Variants in ANTXR1 observed in about 807,000 individuals in gnomAD.
ANTXR1 encodes the protein ANTXR cell adhesion molecule 1.
ANTXR1 carries 19 observed loss-of-function variants against 78.1 expected under a neutral mutation model. That is an observed-to-expected ratio of 0.24 (90% confidence interval 0.17 to 0.36). The LOEUF (loss-of-function observed/expected upper bound fraction) is 0.36, where lower values mean the gene tolerates loss of function less well. Among genes scored for constraint, ANTXR1 ranks in the 10% least tolerant of loss-of-function variants. ANTXR1 has a pLI of 1.00. For synonymous variants in ANTXR1, 273 were observed against 260.5 expected, an observed-to-expected ratio of 1.05 and a Z score of -0.46; for missense variants, 518 against 718.6, an observed-to-expected ratio of 0.72 and a Z score of 3.19.
chr2:69,145,886 T>G (rs1673212595), intron 12 of ANTXR1: 1 of 985,744 alleles, frequency 1.0e-6, no homozygotes, highest in Admixed American at 6.1e-5. Context: ...AAATCCAAAA[T>G]TGCCTATATT....
intron 14 of ANTXR1, among the ~76,000 whole-genome samples, chr2:69,172,952 C>T (rs925848296): frequency 6.6e-6 from 1 of 152,240 alleles, no homozygotes; most frequent in Non-Finnish European, 1.5e-5. Context: ...CTCCAAATAA[C>T]TGGCAGTTCG....
chr2:69,163,313 TA>T (rs74748062), intron 13 of ANTXR1, among the ~76,000 whole-genome samples: 10 of 149,300 alleles, frequency 6.7e-5, no homozygotes, highest in Admixed American at 6.6e-5. Flanking sequence ...TCTTTTCATG[TA>T]AAAAAAAAAG....
intron 14 of ANTXR1, 112 bp downstream of exon 14, chr2:69,170,401 C>A: frequency 1.0e-5 from 13 of 1,290,870 alleles, no homozygotes; most frequent in Non-Finnish European, 1.2e-5. Flanking sequence ...AAGTCAAGCT[C>A]AAAGGATTTA....
At chr2:69,236,162 C>G (rs558278427) in intron 17 of ANTXR1, among the ~76,000 whole-genome samples, 1 of 152,152 alleles carries the variant, frequency 6.6e-6, no homozygotes, top group Admixed American at 6.5e-5. Context: ...ACCCTATCAA[C>G]CAGTTTCATC....
At chr2:69,080,434 T>G (rs1431887843) in intron 8 of ANTXR1, among the ~76,000 whole-genome samples, 1 of 152,228 alleles carries the variant, frequency 6.6e-6, no homozygotes, top group African/African-American at 2.4e-5. Context: ...AAAATAAGAT[T>G]GCAGAGCAGC....
intron 16 of ANTXR1, among the ~76,000 whole-genome samples, chr2:69,185,288 C>T (rs914331019): frequency 6.6e-6 from 1 of 152,162 alleles, no homozygotes; most frequent in Non-Finnish European, 1.5e-5. Flanking sequence ...TGCCTGTAAT[C>T]CCAGCATTTT....
intron 10 of ANTXR1, among the ~76,000 whole-genome samples, chr2:69,117,680 G>A (rs1253959213): frequency 6.6e-6 from 1 of 152,118 alleles, no homozygotes; most frequent in Non-Finnish European, 1.5e-5. Context: ...AGGTGTGGAG[G>A]CCCATGTAAT....
chr2:69,134,741 G>A (rs1672862377), intron 12 of ANTXR1, among the ~76,000 whole-genome samples: 1 of 152,188 alleles, frequency 6.6e-6, no homozygotes, highest in Non-Finnish European at 1.5e-5. Flanking sequence ...TCTTAGTGCA[G>A]TTCAGATTGG....
At chr2:69,198,494 A>G (rs1225749654) in intron 17 of ANTXR1, among the ~76,000 whole-genome samples, 1 of 152,212 alleles carries the variant, frequency 6.6e-6, no homozygotes, top group African/African-American at 2.4e-5. Context: ...ACTATGTATC[A>G]GATCCTGTGC....
intron 12 of ANTXR1, among the ~76,000 whole-genome samples, chr2:69,146,933 C>T (rs1287439959): frequency 6.6e-6 from 1 of 152,250 alleles, no homozygotes; most frequent in Non-Finnish European, 1.5e-5. Context: ...CCGAGTTAGG[C>T]TGTGAGCAGC....
chr2:69,097,740 TAAGAG>T (rs1458595306), intron 9 of ANTXR1, among the ~76,000 whole-genome samples: 3 of 152,178 alleles, frequency 2.0e-5, no homozygotes, highest in South Asian at 2.1e-4. Context: ...AGGTTTTACC[TAAGAG>T]AAAAGGAAAT....
At chr2:69,110,049 A>G (rs1363309417) in intron 10 of ANTXR1, among the ~76,000 whole-genome samples, 1 of 152,232 alleles carries the variant, frequency 6.6e-6, no homozygotes, top group East Asian at 1.9e-4. Flanking sequence ...AAGCATATAG[A>G]AAATGTTTCA....
At chr2:69,014,301 G>A (rs1311854554) in intron 1 of ANTXR1, among the ~76,000 whole-genome samples, 1 of 152,020 alleles carries the variant, frequency 6.6e-6, no homozygotes, top group East Asian at 1.9e-4. Context: ...TCTGCCCACT[G>A]GATGCCAGTA....
At chr2:69,029,197 T>G (rs1244803522) in intron 1 of ANTXR1, among the ~76,000 whole-genome samples, 1 of 151,456 alleles carries the variant, frequency 6.6e-6, no homozygotes, top group Admixed American at 6.6e-5. Flanking sequence ...CCACTACACT[T>G]CGGCCAGGGC....
chr2:69,179,361 A>G (rs1422596936), intron 14 of ANTXR1, among the ~76,000 whole-genome samples: 3 of 152,044 alleles, frequency 2.0e-5, no homozygotes, highest in African/African-American at 7.3e-5. Context: ...GGCCTGGGCA[A>G]TATGGCAAAA....
Position 69,249,081 on chromosome 2 carries a change from A to G in ANTXR1, c.*3596A>G, listed in dbSNP as rs1002859132. On this transcript the variant is annotated 3_prime_UTR_variant, in exon 18 of 18. Coordinates refer to ENST00000303714, the MANE Select transcript of ANTXR1 (RefSeq NM_032208.3). ...TTGTTATAAAAAATCAGTTATCACT[A>G]TACCATGCTATAGGAGACTGGGCAA... 1 of 152,250 alleles carries G rather than the reference A, an allele frequency of 6.6e-6. No individual in the cohort carries two copies. Among genetic ancestry groups the G allele is most frequent in the African/African-American group, 2.4e-5 (1 of 41,474 alleles). 9.4% of individuals were successfully genotyped at this position (152,250 alleles called of 1,614,324 possible).
chr2:69,176,138 G>C (rs146661845), intron 14 of ANTXR1, among the ~76,000 whole-genome samples: 1 of 149,416 alleles, frequency 6.7e-6, no homozygotes, highest in Non-Finnish European at 1.5e-5. Context: ...CCTAGAGAAG[G>C]CCCAAAATTC....
chr2:69,086,541 C>T (rs1671055434), intron 8 of ANTXR1, among the ~76,000 whole-genome samples: 1 of 152,250 alleles, frequency 6.6e-6, no homozygotes, highest in Non-Finnish European at 1.5e-5. Flanking sequence ...ACATACTTTT[C>T]CATCTATTTT....
chr2:69,189,930 A>C (rs921526554), intron 16 of ANTXR1, among the ~76,000 whole-genome samples: 1 of 152,190 alleles, frequency 6.6e-6, no homozygotes, highest in Non-Finnish European at 1.5e-5. Context: ...TTAATAGGTA[A>C]ATAGATACCC....
Sources: allele counts gnomAD v4.1 joint callset (sites outside exome capture counted in the v4.1 genomes callset), GRCh38; gene constraint gnomAD v4.1.1; transcripts MANE v1.5; gene names NCBI Gene and HGNC (gene_info 2026-07-23, HGNC 2026-07-21).